Variants in MYO9B observed in about 807,000 individuals in gnomAD.
The protein encoded by MYO9B is unconventional myosin-IXb.
In MYO9B, 71 loss-of-function variants were observed where a neutral mutation model predicts 229.5. The observed-to-expected ratio is 0.31, with a 90% CI of 0.26 to 0.38. The LOEUF is 0.38. Ranked by LOEUF, MYO9B falls within the 10% of genes least tolerant of loss-of-function variation. The pLI, the probability that MYO9B is intolerant of heterozygous loss-of-function variation, is 1.00. For synonymous variants in MYO9B, 1,185 were observed against 1,235.8 expected (o/e 0.96, Z 0.86); for missense variants, 2,255 against 2,920.5 (o/e 0.77, Z 5.25).
intron 2 of MYO9B, among the ~76,000 whole-genome samples, chr19:17,112,927 G>A (rs987757425): frequency 6.6e-6 from 1 of 152,234 alleles, no homozygotes; most frequent in Non-Finnish European, 1.5e-5. Context: ...CCTCTCATTG[G>A]GGGGCATTTC....
At position 17,134,381 on chromosome 19, in the gene MYO9B, G is replaced by GTTTTTTTTT. The variant is rs869297825; in HGVS notation, c.841-10996_841-10988dup. On this transcript the variant is annotated intron_variant, in intron 2 of 39. Coordinates refer to ENST00000682292, the MANE Select transcript of MYO9B (RefSeq NM_004145.4). The stretch of plus-strand genomic sequence containing the variant: ...CTTTGTTTTTTTTTTCGTTTTGTTT[G>GTTTTTTTTT]TTTTTTTTTTTTTTTTTTTTTTTTT... Among the ~76,000 whole-genome samples the GTTTTTTTTT allele has an allele frequency of 5.2e-3, 244 of 46,488 alleles. 5 individuals carry two copies. Among genetic ancestry groups the GTTTTTTTTT allele is most frequent in the Middle Eastern group, 0.02 (1 of 50 alleles). The allele number at this position is 46,488 out of a possible 152,430, so 30.5% of individuals were successfully genotyped here.
At chr19:17,151,511 A>G (rs796372545) in intron 3 of MYO9B, among the ~76,000 whole-genome samples, 1 of 152,172 alleles carries the variant, frequency 6.6e-6, no homozygotes, top group Non-Finnish European at 1.5e-5. Flanking sequence ...CCAACACCCA[A>G]TAAGAAAACC....
At chr19:17,121,039 C>T (rs565070180) in intron 2 of MYO9B, among the ~76,000 whole-genome samples, 237 of 152,292 alleles carry the variant, frequency 1.6e-3, no homozygotes, top group African/African-American at 5.5e-3. Context: ...ACCTCCCGGA[C>T]TCAAGCGATC....
chr19:17,152,296 G>A (rs867770335), intron 3 of MYO9B, among the ~76,000 whole-genome samples: 1 of 152,102 alleles, frequency 6.6e-6, no homozygotes, highest in African/African-American at 2.4e-5. Flanking sequence ...GCTCATGCCT[G>A]TAATCCCGCA....
intron 1 of MYO9B, among the ~76,000 whole-genome samples, chr19:17,085,348 G>A (rs968524710): frequency 1.3e-5 from 2 of 152,154 alleles, no homozygotes; most frequent in African/African-American, 4.8e-5. Context: ...AGCATTGGGA[G>A]ATCCTGGCAG....
At chr19:17,108,652 C>T (rs927070709) in intron 2 of MYO9B, among the ~76,000 whole-genome samples, 3 of 152,328 alleles carry the variant, frequency 2.0e-5, no homozygotes, top group Non-Finnish European at 4.4e-5. Flanking sequence ...CTGTTCATTG[C>T]AGCCACTGAG....
At chr19:17,167,421 A>C (rs755375773) in intron 10 of MYO9B, among the ~76,000 whole-genome samples, 4 of 151,722 alleles carry the variant, frequency 2.6e-5, no homozygotes, top group Non-Finnish European at 5.9e-5. Flanking sequence ...TTACATGTTA[A>C]CATGATCACA....
intron 1 of MYO9B, among the ~76,000 whole-genome samples, chr19:17,082,593 G>C (rs906104206): frequency 1.3e-5 from 2 of 152,106 alleles, no homozygotes; most frequent in African/African-American, 2.4e-5. Context: ...GGGTACTCAC[G>C]TGGGGCTTTA....
At chr19:17,182,860 A>G (rs1043047506) in intron 15 of MYO9B, among the ~76,000 whole-genome samples, 1 of 152,168 alleles carries the variant, frequency 6.6e-6, no homozygotes. Flanking sequence ...GCAAGATTCC[A>G]TAAGGTGTCT....
intron 2 of MYO9B, among the ~76,000 whole-genome samples, chr19:17,140,027 G>A (rs771089613): frequency 6.6e-6 from 1 of 151,922 alleles, no homozygotes; most frequent in Non-Finnish European, 1.5e-5. Context: ...GGCAACAAGA[G>A]TGAAACTCTG....
At chr19:17,135,168 G>T (rs2072253710) in intron 2 of MYO9B, among the ~76,000 whole-genome samples, 1 of 152,054 alleles carries the variant, frequency 6.6e-6, no homozygotes, top group African/African-American at 2.4e-5. Flanking sequence ...ATTTCCTTTG[G>T]ATATATACCC....
At chr19:17,116,277 G>A (rs1391692772) in intron 2 of MYO9B, among the ~76,000 whole-genome samples, 15 of 152,182 alleles carry the variant, frequency 9.9e-5, no homozygotes, top group Admixed American at 9.8e-4. Flanking sequence ...TCACCGAGCA[G>A]GACCCTGTCA....
chr19:17,211,957 G>GGCC lies in MYO9B; in HGVS notation c.6121_6122insGCC (p.Ala2041delinsGlyPro). The stretch of plus-strand genomic sequence containing the variant: ...CACCCCGAGCCCCCTCCCCACCGTG[G>GGCC]CCGCCCCTCCACGACGAAGGCCGTC... On this transcript the variant is annotated protein_altering_variant, in exon 40 of 40. Coordinates refer to ENST00000682292, the MANE Select transcript of MYO9B (RefSeq NM_004145.4). The GGCC allele has an allele frequency of 6.4e-7, 1 of 1,552,766 alleles. No individual in the cohort carries two copies. Among genetic ancestry groups the GGCC allele is most frequent in the Non-Finnish European group, 8.7e-7 (1 of 1,149,424 alleles).
chr19:17,162,565 C>A (rs549158289), intron 9 of MYO9B, 99 bp downstream of exon 9: 2 of 1,018,286 alleles, frequency 2.0e-6, no homozygotes, highest in Non-Finnish European at 2.9e-6. Context: ...GGAGCCGAGG[C>A]ATCTGCAATC....
chr19:17,149,947 C>T (rs918359515), intron 3 of MYO9B, among the ~76,000 whole-genome samples: 3 of 152,232 alleles, frequency 2.0e-5, no homozygotes, highest in Admixed American at 2.0e-4. Flanking sequence ...GAAACGGACA[C>T]AGCCTCCCTC....
chr19:17,181,512 C>T (rs981597797), intron 15 of MYO9B, among the ~76,000 whole-genome samples: 21 of 152,162 alleles, frequency 1.4e-4, no homozygotes, highest in African/African-American at 4.3e-4. Context: ...TTTGGGATCC[C>T]GACTGTTAGC....
intron 2 of MYO9B, among the ~76,000 whole-genome samples, chr19:17,143,100 G>A (rs1459164090): frequency 2.6e-5 from 4 of 152,060 alleles, no homozygotes; most frequent in African/African-American, 7.2e-5. Flanking sequence ...TTAGCCAGGC[G>A]TGGTGGTGCA....
chr19:17,149,891 C>T (rs979310745), intron 3 of MYO9B, among the ~76,000 whole-genome samples: 2 of 152,210 alleles, frequency 1.3e-5, no homozygotes, highest in Admixed American at 1.3e-4. Context: ...AGATGCAGCA[C>T]GGGGAATCGG....
chr19:17,181,064 C>A (rs751717180), intron 15 of MYO9B, 24 bp downstream of exon 15: 4 of 1,535,408 alleles, frequency 2.6e-6, no homozygotes, highest in Non-Finnish European at 3.6e-6. Flanking sequence ...CAAGGCCCTG[C>A]TTACAAGTGC....
Sources: allele counts gnomAD v4.1 joint callset (sites outside exome capture counted in the v4.1 genomes callset), GRCh38; gene constraint gnomAD v4.1.1; transcripts MANE v1.5; gene names NCBI Gene and HGNC (gene_info 2026-07-23, HGNC 2026-07-21).